OXR1: variants seen among roughly 807,000 people sequenced by gnomAD.
The protein encoded by OXR1 is oxidation resistance 1.
OXR1 carries 41 observed loss-of-function variants against 104.6 expected under a neutral mutation model. That is an observed-to-expected ratio of 0.39 (90% CI 0.31 to 0.51). OXR1 has a LOEUF of 0.51. Among genes scored for constraint, OXR1 ranks in the 20% least tolerant of loss-of-function variants. The pLI, the probability that OXR1 is intolerant of heterozygous loss-of-function variation, is 0.77. For missense variants in OXR1, 955 were observed against 1,031.9 expected (o/e 0.93, Z 1.02); for synonymous variants, 348 against 348.4 (o/e 1.00, Z 0.01).
intron 3 of OXR1, among the ~76,000 whole-genome samples, chr8:106,673,265 G>A (rs2131173239): frequency 6.6e-6 from 1 of 152,320 alleles, no homozygotes; most frequent in East Asian, 1.9e-4. Flanking sequence ...CTGGAATAAA[G>A]TTGGCTCTTG....
chr8:106,475,008 T>C (rs540995730), intron 2 of OXR1, among the ~76,000 whole-genome samples: 1 of 152,034 alleles, frequency 6.6e-6, no homozygotes, highest in South Asian at 2.1e-4. Flanking sequence ...TGTTTCCTTA[T>C]CTACAAAATA....
At chr8:106,407,839 A>G (rs1300012744) in intron 2 of OXR1, among the ~76,000 whole-genome samples, 1 of 152,146 alleles carries the variant, frequency 6.6e-6, no homozygotes, top group African/African-American at 2.4e-5. Context: ...GGCCTTCTGT[A>G]CAATTCTTGC....
At chr8:106,524,360 G>A (rs953918899) in intron 3 of OXR1, among the ~76,000 whole-genome samples, 1 of 152,184 alleles carries the variant, frequency 6.6e-6, no homozygotes, top group African/African-American at 2.4e-5. Flanking sequence ...TGCTCCCTAA[G>A]GTATACCTGT....
chr8:106,294,497 A>T (rs1012109287), intron 1 of OXR1, among the ~76,000 whole-genome samples: 1 of 151,994 alleles, frequency 6.6e-6, no homozygotes, highest in African/African-American at 2.4e-5. Context: ...TATAGGAAGC[A>T]TGGTGCTGGC....
rs115370274 is a variant in OXR1 at position 106,649,289 on chromosome 8, C to T, written c.221-29921C>T. 2.4e-3 allele frequency among the ~76,000 whole-genome samples: 371 copies of T among 151,686 alleles called. 5 individuals are homozygous for T. The highest frequency in any genetic ancestry group is 8.7e-3 in the African/African-American group (361 of 41,374). ...TGGGTTTTTTTTTTAAAGAAACACA[C>T]ATGCATATATACACATACTAATCCC... is the stretch of plus-strand genomic sequence containing the variant. On this transcript the variant is annotated intron_variant, in intron 3 of 16. Coordinates refer to ENST00000517566, the MANE Select transcript of OXR1 (RefSeq NM_001198533.2).
chr8:106,474,715 G>A (rs1382603443), intron 2 of OXR1, among the ~76,000 whole-genome samples: 2 of 151,884 alleles, frequency 1.3e-5, no homozygotes, highest in African/African-American at 4.8e-5. Flanking sequence ...GGTCTGCAAA[G>A]CTGAAAATAT....
chr8:106,457,368 G>A (rs1177407119), intron 2 of OXR1, among the ~76,000 whole-genome samples: 2 of 151,864 alleles, frequency 1.3e-5, no homozygotes, highest in East Asian at 3.9e-4. Flanking sequence ...CCTTGATATT[G>A]GACTTTCTAG....
intron 3 of OXR1, among the ~76,000 whole-genome samples, chr8:106,532,129 C>T (rs1286187464): frequency 6.6e-6 from 1 of 152,160 alleles, no homozygotes; most frequent in Non-Finnish European, 1.5e-5. Flanking sequence ...GTGTGCTACA[C>T]CATGGAATTT....
intron 2 of OXR1, among the ~76,000 whole-genome samples, chr8:106,378,924 C>T (rs76636991): frequency 0.023 from 3,483 of 152,228 alleles, 130 homozygotes; most frequent in African/African-American, 0.079. Context: ...AGTCTTATAC[C>T]CTTTTTCAAT....
chr8:106,519,758 C>G (rs1016710595), intron 3 of OXR1, among the ~76,000 whole-genome samples: 1 of 152,174 alleles, frequency 6.6e-6, no homozygotes, highest in African/African-American at 2.4e-5. Context: ...GTTGTGCAGG[C>G]ATTACATTAT....
At chr8:106,288,601 A>T (rs1563696507) in intron 1 of OXR1, among the ~76,000 whole-genome samples, 1 of 148,112 alleles carries the variant, frequency 6.8e-6, no homozygotes, top group Non-Finnish European at 1.5e-5. Flanking sequence ...CCATATATAT[A>T]CTCTCTATAT....
intron 3 of OXR1, among the ~76,000 whole-genome samples, chr8:106,631,627 G>C (rs1464170727): frequency 1.3e-5 from 2 of 152,120 alleles, no homozygotes; most frequent in Non-Finnish European, 2.9e-5. Context: ...AGCAATAAGT[G>C]AACATGTAAT....
At chr8:106,682,481 G>T in intron 4 of OXR1, 1 of 153,596 alleles carries the variant, frequency 6.5e-6, no homozygotes, top group Middle Eastern at 5.2e-4. Flanking sequence ...TGTTAGCCAG[G>T]ATGTTCTCGA....
intron 2 of OXR1, among the ~76,000 whole-genome samples, chr8:106,392,559 T>C (rs550723957): frequency 6.6e-6 from 1 of 152,316 alleles, no homozygotes; most frequent in African/African-American, 2.4e-5. Flanking sequence ...GGAAAACCTG[T>C]TGCTTATGAT....
rs543144176 is a variant in OXR1 at position 106,323,922 on chromosome 8, T to C, written c.-138-35554T>C. Among the ~76,000 whole-genome samples the C allele has an allele frequency of 3.3e-5, 5 of 152,288 alleles. No homozygotes were observed. The East Asian group carries it at 7.7e-4, about 23-fold the overall frequency. ...TATACACTGTTGGTGGTAGTGTAAA[T>C]TCGTTCAACCATTGTGGAAAGCAAT... On this transcript the variant is annotated intron_variant, in intron 1 of 16. Coordinates refer to ENST00000517566, the MANE Select transcript of OXR1 (RefSeq NM_001198533.2).
At chr8:106,379,486 C>T (rs1047470622) in intron 2 of OXR1, among the ~76,000 whole-genome samples, 9 of 150,036 alleles carry the variant, frequency 6.0e-5, no homozygotes, top group Non-Finnish European at 1.2e-4. Context: ...TTTTTGTATA[C>T]AAGTTTACTA....
intron 3 of OXR1, among the ~76,000 whole-genome samples, chr8:106,580,186 C>A (rs565003819): frequency 6.6e-6 from 1 of 152,126 alleles, no homozygotes; most frequent in African/African-American, 2.4e-5. Context: ...ATAGTAAAAG[C>A]CATCTCCAGA....
chr8:106,562,512 G>A (rs572347452), intron 3 of OXR1, among the ~76,000 whole-genome samples: 2 of 152,304 alleles, frequency 1.3e-5, no homozygotes, highest in African/African-American at 4.8e-5. Flanking sequence ...ACCTGAAAGT[G>A]ACAGGGAGAA....
At chr8:106,587,559 T>C (rs1004685714) in intron 3 of OXR1, among the ~76,000 whole-genome samples, 2 of 152,188 alleles carry the variant, frequency 1.3e-5, no homozygotes, top group African/African-American at 2.4e-5. Context: ...AGGTGGACTT[T>C]AAATAAAGAA....
Sources: allele counts gnomAD v4.1 joint callset (sites outside exome capture counted in the v4.1 genomes callset), GRCh38; gene constraint gnomAD v4.1.1; transcripts MANE v1.5; gene names NCBI Gene and HGNC (gene_info 2026-07-23, HGNC 2026-07-21).